KALRN: variants seen among roughly 807,000 people sequenced by gnomAD.
KALRN encodes the protein kalirin.
A neutral mutation model predicts 353.7 loss-of-function variants in KALRN; 70 were observed. That is an observed-to-expected ratio of 0.20 (90% confidence interval 0.16 to 0.24). The LOEUF (loss-of-function observed/expected upper bound fraction) is 0.24, where lower values mean the gene tolerates loss of function less well. Among genes scored for constraint, KALRN ranks in the 10% least tolerant of loss-of-function variants. KALRN has a pLI of 1.00. For synonymous variants in KALRN, 1,391 were observed against 1,434.8 expected (o/e 0.97, Z 0.69); for missense variants, 2,791 against 3,756.7 (o/e 0.74, Z 6.72).
At chr3:124,170,758 A>G (rs1407865555) in intron 1 of KALRN, among the ~76,000 whole-genome samples, 2 of 147,370 alleles carry the variant, frequency 1.4e-5, no homozygotes, top group Admixed American at 1.4e-4. Context: ...TGAAGCCTGC[A>G]GAGTCTCAGG....
chr3:124,437,993 A>AT (rs1294015586), intron 17 of KALRN, among the ~76,000 whole-genome samples: 1 of 152,090 alleles, frequency 6.6e-6, no homozygotes, highest in Non-Finnish European at 1.5e-5. Context: ...TATTTGTATT[A>AT]TTTTTTATTG....
intron 15 of KALRN, among the ~76,000 whole-genome samples, chr3:124,428,044 A>G (rs1370169468): frequency 6.6e-6 from 1 of 152,204 alleles, no homozygotes; most frequent in Non-Finnish European, 1.5e-5. Flanking sequence ...GCTCAAAATT[A>G]GTAGAACCAA....
In KALRN at chr3:124,279,688, C is replaced by A. The variant is rs181422903; in HGVS notation, c.969+10433C>A. Among the ~76,000 whole-genome samples, 12 of 152,328 alleles carry A rather than the reference C, an allele frequency of 7.9e-5. No individual in the cohort carries two copies. In the East Asian group the frequency reaches 2.3e-3, roughly 29 times the overall value. ...ACCAGTCTGGCAGGATCTTAGAGAA[C>A]ACTTGCTGAAGATAAGCCAATCACT... On this transcript the variant is annotated intron_variant, in intron 5 of 59. Coordinates refer to ENST00000682506, the MANE Select transcript of KALRN (RefSeq NM_001388419.1).
chr3:124,444,909 G>T (rs562831646), intron 19 of KALRN, among the ~76,000 whole-genome samples: 90 of 152,282 alleles, frequency 5.9e-4, no homozygotes, highest in African/African-American at 2.0e-3. Flanking sequence ...GCCAAACTTG[G>T]CTGGGGAGGT....
intron 1 of KALRN, among the ~76,000 whole-genome samples, chr3:124,134,329 T>G (rs575033729): frequency 1.5e-4 from 23 of 152,234 alleles, no homozygotes; most frequent in African/African-American, 5.1e-4. Context: ...ACTACCCACA[T>G]GTAGAAGAAT....
intron 25 of KALRN, 151 bp from the exon 26 acceptor site, chr3:124,474,512 A>G (rs1012896751): frequency 7.9e-6 from 5 of 634,084 alleles, no homozygotes; most frequent in Admixed American, 3.0e-5. Flanking sequence ...TAGTTCCGAC[A>G]TTAAAAACTG....
At chr3:124,511,960 C>G (rs1218874099) in intron 33 of KALRN, among the ~76,000 whole-genome samples, 1 of 152,202 alleles carries the variant, frequency 6.6e-6, no homozygotes, top group African/African-American at 2.4e-5. Context: ...CACTGAATCA[C>G]AAGATCCATG....
intron 1 of KALRN, among the ~76,000 whole-genome samples, chr3:124,048,268 T>C (rs1331233127): frequency 6.6e-6 from 1 of 152,176 alleles, no homozygotes; most frequent in South Asian, 2.1e-4. Context: ...ATAAGATATA[T>C]GGTCAAAGTG....
chr3:124,206,623 G>A (rs1220541803), intron 1 of KALRN, among the ~76,000 whole-genome samples: 1 of 152,142 alleles, frequency 6.6e-6, no homozygotes, highest in Non-Finnish European at 1.5e-5. Context: ...GTTGCATGTT[G>A]AGAAATACAG....
At chr3:124,584,695 G>C in intron 34 of KALRN, 13 of 1,451,762 alleles carry the variant, frequency 9.0e-6, no homozygotes, top group Non-Finnish European at 1.2e-5. Context: ...GCCGCGGTGC[G>C]GGGAGAGCAC....
intron 3 of KALRN, among the ~76,000 whole-genome samples, chr3:124,241,104 C>T (rs2080384761): frequency 2.0e-5 from 3 of 152,138 alleles, no homozygotes; most frequent in Admixed American, 2.0e-4. Context: ...CAGAACATCA[C>T]CTCTATCCTC....
intron 1 of KALRN, among the ~76,000 whole-genome samples, chr3:124,079,770 T>C (rs1333376220): frequency 6.6e-6 from 1 of 152,266 alleles, no homozygotes; most frequent in Admixed American, 6.5e-5. Flanking sequence ...TCTTTCATTC[T>C]TGTTAGTTAG....
chr3:124,081,049 G>A (rs534767100), intron 1 of KALRN, among the ~76,000 whole-genome samples: 15 of 152,136 alleles, frequency 9.9e-5, no homozygotes, highest in African/African-American at 2.6e-4. Context: ...CCAACTATAC[G>A]CTCATCCCAT....
At chr3:124,439,200 TCACACACACACACA>T (rs376221553) in intron 18 of KALRN, among the ~76,000 whole-genome samples, 163 bp downstream of exon 18, 2 of 98,878 alleles carry the variant, frequency 2.0e-5, no homozygotes, top group Non-Finnish European at 4.4e-5. Context: ...TCTCTCTCTC[TCACACACACACACA>T]CACACACACA....
intron 33 of KALRN, among the ~76,000 whole-genome samples, chr3:124,513,284 T>C (rs1387368433): frequency 6.6e-6 from 1 of 152,204 alleles, no homozygotes; most frequent in Non-Finnish European, 1.5e-5. Flanking sequence ...GCTTGAAATA[T>C]AGCTTCAAAT....
At chr3:124,144,700 C>T (rs1299601698) in intron 1 of KALRN, among the ~76,000 whole-genome samples, 1 of 151,744 alleles carries the variant, frequency 6.6e-6, no homozygotes, top group African/African-American at 2.4e-5. Context: ...TTCTGGTTGC[C>T]ATTTCTCATC....
chr3:124,144,510 T>C (rs1273697240), intron 1 of KALRN, among the ~76,000 whole-genome samples: 1 of 151,880 alleles, frequency 6.6e-6, no homozygotes. Flanking sequence ...CTCTTCCTCA[T>C]TGTCCTCCTT....
chr3:124,171,513 T>C (rs2071825893), intron 1 of KALRN, among the ~76,000 whole-genome samples: 1 of 152,152 alleles, frequency 6.6e-6, no homozygotes, highest in African/African-American at 2.4e-5. Flanking sequence ...CTCTTGAAGT[T>C]GAGGCCTAGA....
At chr3:124,385,848 T>G (rs909430914) in intron 11 of KALRN, among the ~76,000 whole-genome samples, 5 of 152,196 alleles carry the variant, frequency 3.3e-5, no homozygotes, top group African/African-American at 1.2e-4. Context: ...TAGCATCATC[T>G]CTAATAACAG....
Sources: allele counts gnomAD v4.1 joint callset (sites outside exome capture counted in the v4.1 genomes callset), GRCh38; gene constraint gnomAD v4.1.1; transcripts MANE v1.5; gene names NCBI Gene and HGNC (gene_info 2026-07-23, HGNC 2026-07-21).